LRRK2: variants seen among roughly 807,000 people sequenced by gnomAD.
The protein encoded by LRRK2 is leucine rich repeat kinase 2, also known as leucine-rich repeat serine/threonine-protein kinase 2.
Under a neutral mutation model 302.6 loss-of-function variants are expected in LRRK2, and 203 were observed. The observed-to-expected ratio is 0.67, with a 90% CI of 0.60 to 0.75. The LOEUF (loss-of-function observed/expected upper bound fraction) is 0.75, where lower values mean the gene tolerates loss of function less well. LRRK2 is among the 30% of genes least tolerant of loss of function. The pLI is 0.00. For missense variants in LRRK2, 2,830 were observed against 2,951.0 expected, an observed-to-expected ratio of 0.96 and a Z score of 0.95; for synonymous variants, 1,066 against 1,031.9, an observed-to-expected ratio of 1.03 and a Z score of -0.63.
chr12:40,328,589 T>C (rs2136916542), intron 39 of LRRK2, 129 bp downstream of exon 39: 1 of 701,590 alleles, frequency 1.4e-6, no homozygotes, highest in Admixed American at 2.8e-5. Flanking sequence ...TATGCAATCC[T>C]AGTTTGTCTT....
chr12:40,281,601 A>C (rs1009331525), intron 18 of LRRK2, among the ~76,000 whole-genome samples: 11 of 152,232 alleles, frequency 7.2e-5, no homozygotes, highest in African/African-American at 2.4e-4. Flanking sequence ...ATGAAGCTGA[A>C]ATTACTTTCA....
At chr12:40,229,676 A>T (rs1049917324) in intron 2 of LRRK2, among the ~76,000 whole-genome samples, 1 of 152,218 alleles carries the variant, frequency 6.6e-6, no homozygotes, top group African/African-American at 2.4e-5. Context: ...ATAAAGTAAA[A>T]CTACCAATTT....
intron 5 of LRRK2, among the ~76,000 whole-genome samples, chr12:40,239,897 G>C (rs907559083): frequency 1.3e-5 from 2 of 152,094 alleles, no homozygotes; most frequent in African/African-American, 2.4e-5. Flanking sequence ...TGTTTTTCAG[G>C]TTGTTGCCCA....
chr12:40,337,376 A>G (rs1264474664), intron 40 of LRRK2, among the ~76,000 whole-genome samples: 4 of 152,326 alleles, frequency 2.6e-5, no homozygotes, highest in South Asian at 2.1e-4. Context: ...TCATAATTCT[A>G]TAAAACTTAT....
chr12:40,274,782 G>T, intron 15 of LRRK2, 55 bp downstream of exon 15: 1 of 1,610,232 alleles, frequency 6.2e-7, no homozygotes, highest in African/African-American at 1.3e-5. Flanking sequence ...GCATTAGCTG[G>T]TGACTGGATG....
chr12:40,225,188 G>A lies in LRRK2; in HGVS notation c.57G>A (p.Leu19=). The A allele has an allele frequency of 1.9e-6, 3 of 1,614,216 alleles. No individual in the cohort carries two copies. The highest frequency in any genetic ancestry group is 2.5e-6 in the Non-Finnish European group (3 of 1,180,020). The change falls in exon 1 of 51, where the codon TTG becomes TTA. Residue 19 remains leucine, a synonymous_variant. Coordinates refer to ENST00000298910, the MANE Select transcript of LRRK2 (RefSeq NM_198578.4). ...AGGACGAGGAAACTCTGAAGAAGTT[G>A]ATAGTCAGGCTGAACAATGTCCAGG... ...CEEDEETLKK[L]IVRLNNVQEG... is the part of the protein sequence containing the mutation.
intron 46 of LRRK2, among the ~76,000 whole-genome samples, chr12:40,358,150 A>C (rs1946598805): frequency 6.6e-6 from 1 of 151,096 alleles, no homozygotes; most frequent in South Asian, 2.1e-4. Context: ...CTGGATGAAT[A>C]GTTTGCAAAT....
chr12:40,357,829 G>A (rs1946586796), intron 46 of LRRK2, among the ~76,000 whole-genome samples: 1 of 152,164 alleles, frequency 6.6e-6, no homozygotes, highest in African/African-American at 2.4e-5. Context: ...CTGGCTCACA[G>A]TGGCATGATC....
chr12:40,241,390 T>C (rs1050048016), intron 6 of LRRK2, among the ~76,000 whole-genome samples: 15 of 151,410 alleles, frequency 9.9e-5, no homozygotes, highest in Non-Finnish European at 1.9e-4. Context: ...AAAATATTAA[T>C]CAGAAGAAAT....
intron 38 of LRRK2, among the ~76,000 whole-genome samples, chr12:40,325,267 A>G (rs1945510607): frequency 6.6e-6 from 1 of 152,242 alleles, no homozygotes; most frequent in South Asian, 2.1e-4. Context: ...AGCCTAGGCG[A>G]CAGAGCGTCT....
intron 22 of LRRK2, 39 bp downstream of exon 22, chr12:40,294,953 T>G (rs1944323333): frequency 8.1e-7 from 1 of 1,236,736 alleles, no homozygotes. Context: ...ATAGATATTT[T>G]GGGCAGAATG....
At chr12:40,332,753 T>C (rs890987011) in intron 39 of LRRK2, among the ~76,000 whole-genome samples, 2 of 152,008 alleles carry the variant, frequency 1.3e-5, no homozygotes, top group Non-Finnish European at 1.5e-5. Flanking sequence ...TCTTTTAATG[T>C]GTAGGTAATT....
rs528371650 is a variant in LRRK2, at chr12:40,298,508, A to C, written c.3347+15A>C. 6.2e-7 allele frequency: 1 copy of C among 1,613,796 alleles called. No individual in the cohort carries two copies. The highest frequency in any genetic ancestry group is 1.1e-5 in the South Asian group (1 of 91,074). ...ATTTTAGAAGGGTAAGAAAGAGCTC[A>C]TTAAAAATAAAAGGGTTGCCTAAAT... On this transcript the variant is annotated intron_variant, in intron 24 of 50. Transcript: ENST00000298910.
At chr12:40,342,982 A>T (rs934898542) in intron 41 of LRRK2, among the ~76,000 whole-genome samples, 2 of 152,152 alleles carry the variant, frequency 1.3e-5, no homozygotes, top group South Asian at 2.1e-4. Context: ...CATATGTGCT[A>T]TTATTATTTC....
intron 46 of LRRK2, among the ~76,000 whole-genome samples, chr12:40,357,577 G>C (rs186607606): frequency 6.6e-6 from 1 of 151,874 alleles, no homozygotes. Flanking sequence ...ATGGGCATTC[G>C]TTTTTTTCCG....
At chr12:40,339,028 A>G (rs2136950677) in intron 40 of LRRK2, among the ~76,000 whole-genome samples, 1 of 152,296 alleles carries the variant, frequency 6.6e-6, no homozygotes, top group Non-Finnish European at 1.5e-5. Context: ...TGTCCCGACT[A>G]CATCCTGGAA....
Position 40,342,789 on chromosome 12 carries a change from C to T in LRRK2, c.6109+2335C>T, listed in dbSNP as rs566657073. Among the ~76,000 whole-genome samples, 13 of 152,256 alleles carry T rather than the reference C, an allele frequency of 8.5e-5. No individual in the cohort carries two copies. In the South Asian group the frequency reaches 1.0e-3, roughly 12 times the overall value. The stretch of plus-strand genomic sequence containing the variant: ...TGGAAACTTCTAGAGAAACAAAAGA[C>T]GATGGATTTGTTAAACCTTTTGGGT... On this transcript the variant is annotated intron_variant, in intron 41 of 50. Transcript: ENST00000298910.
chr12:40,251,291 G>A lies in LRRK2; in HGVS notation c.1018G>A (p.Asp340Asn), dbSNP rs537456695. ...AAAGAATGAGAATCAAGAGAATGATGATGAGGGGGAAGAAGATAAATTGTT... is the reference window on the plus strand; with the variant it reads ...AAAGAATGAGAATCAAGAGAATGATAATGAGGGGGAAGAAGATAAATTGTT... ...EEKNENQEND[D>N]EGEEDKLFWL... The change falls in exon 9 of 51, where the codon GAT (aspartate) becomes AAT (asparagine). Residue 340 changes from aspartate (D) to asparagine (N), a missense_variant. Coordinates refer to ENST00000298910, the MANE Select transcript of LRRK2 (RefSeq NM_198578.4). 1.2e-6 allele frequency: 2 copies of A among 1,612,370 alleles called. No homozygotes were observed. Among genetic ancestry groups the A allele is most frequent in the East Asian group, 2.2e-5 (1 of 44,824 alleles).
intron 23 of LRRK2, among the ~76,000 whole-genome samples, chr12:40,295,990 G>T (rs944649572): frequency 1.3e-5 from 2 of 152,160 alleles, no homozygotes; most frequent in African/African-American, 4.8e-5. Context: ...AATTAGACCT[G>T]GTTTGGTAGT....
Sources: gnomAD v4.1 joint callset for allele counts (sites outside exome capture counted in the v4.1 genomes callset) on GRCh38, gnomAD v4.1.1 for gene constraint, MANE v1.5 for transcripts, NCBI Gene and HGNC (gene_info 2026-07-23, HGNC 2026-07-21) for gene names.